The following TRIM2 variants were observed in gnomAD, a reference collection of about 807,000 sequenced individuals.
The protein encoded by TRIM2 is tripartite motif-containing protein 2.
TRIM2 carries 20 observed loss-of-function variants against 75.2 expected under a neutral mutation model. That is an observed-to-expected ratio of 0.27 (90% CI 0.19 to 0.39). The LOEUF is 0.39. TRIM2 is among the 10% of genes least tolerant of loss of function. The pLI is 1.00. For synonymous variants in TRIM2, 373 were observed against 388.3 expected (o/e 0.96, Z 0.46); for missense variants, 660 against 990.8 (o/e 0.67, Z 4.48).
chr4:153,290,351 A>G (rs1477389815), intron 3 of TRIM2, among the ~76,000 whole-genome samples: 1 of 152,218 alleles, frequency 6.6e-6, no homozygotes, highest in Non-Finnish European at 1.5e-5. Context: ...AGATCGTTCT[A>G]TTTCCTGAAC....
intron 10 of TRIM2, 98 bp from the exon 11 acceptor site, chr4:153,328,432 G>A: frequency 8.9e-7 from 1 of 1,119,724 alleles, no homozygotes; most frequent in South Asian, 1.8e-5. Context: ...GATAAGTCTT[G>A]TTATAAATAA....
intron 1 of TRIM2, among the ~76,000 whole-genome samples, chr4:153,269,929 T>C (rs1256841140): frequency 2.0e-5 from 3 of 152,070 alleles, no homozygotes. Flanking sequence ...ATTTTTTATT[T>C]TATTTTTTAT....
In TRIM2 at chr4:153,275,934, C is replaced by G; in HGVS notation, c.257C>G (p.Ser86Cys). The G allele has an allele frequency of 6.2e-7, 1 of 1,614,212 alleles. No individual in the cohort carries two copies. The highest frequency in any genetic ancestry group is 8.5e-7 in the Non-Finnish European group (1 of 1,180,042). Residue 86 changes from serine to cysteine, a missense_variant, in exon 3 of 12, where the codon TCC becomes TGC. This residue lies in a region of TRIM2 where 620 missense variants were observed against 891.0 expected (regional missense o/e 0.70). Coordinates refer to ENST00000338700, the MANE Select transcript of TRIM2 (RefSeq NM_015271.5). Reference protein sequence around the residue: ...NYIPAHSLTLSCPVCRQTSIL... With the variant: ...NYIPAHSLTLCCPVCRQTSIL... Reference sequence around the variant, plus strand: ...ATTCCTGCCCACAGTTTAACCCTCTCCTGCCCAGTGTGCCGCCAGACCTCC... The same window carrying G: ...ATTCCTGCCCACAGTTTAACCCTCTGCTGCCCAGTGTGCCGCCAGACCTCC...
In TRIM2 at chr4:153,324,112, G is replaced by A. The variant is rs756450653; in HGVS notation, c.1986G>A (p.Glu662=). Residue 662 remains glutamate (E), a synonymous_variant, in exon 10 of 12, where the codon GAG becomes GAA. Transcript: ENST00000338700. ...TTGCAGCTGTAAATAGCAATAATGA[G>A]ATTATTATTACAGATTTCCATAATC... The part of the protein sequence containing the change: ...PHFAAVNSNN[E]IIITDFHNHS... 2 of 1,612,242 alleles carry A rather than the reference G, an allele frequency of 1.2e-6. No individual in the cohort carries two copies. The highest frequency in any genetic ancestry group is 4.5e-5 in the East Asian group (2 of 44,768).
intron 6 of TRIM2, chr4:153,308,660 C>T: frequency 1.7e-6 from 1 of 585,160 alleles, no homozygotes; most frequent in Non-Finnish European, 3.4e-6. Flanking sequence ...TCCTGCTCAG[C>T]ATCAAATTTG....
chr4:153,158,570 A>G (rs961351034), intron 1 of TRIM2, among the ~76,000 whole-genome samples: 5 of 152,250 alleles, frequency 3.3e-5, no homozygotes, highest in Non-Finnish European at 5.9e-5. Flanking sequence ...ATTTTAAAAC[A>G]TTAGCTCTTG....
At chr4:153,154,152 C>G (rs989989536) in intron 1 of TRIM2, among the ~76,000 whole-genome samples, 1 of 152,184 alleles carries the variant, frequency 6.6e-6, no homozygotes, top group South Asian at 2.1e-4. Flanking sequence ...TTCCGAGGAG[C>G]GTTTCACAGA....
intron 1 of TRIM2, among the ~76,000 whole-genome samples, chr4:153,221,807 G>C (rs1429294515): frequency 1.2e-5 from 1 of 83,388 alleles, no homozygotes; most frequent in Non-Finnish European, 2.2e-5. Context: ...AGCGAGGAAG[G>C]AAGGGAGGGA....
At chr4:153,196,789 GC>G (rs1733824603) in intron 1 of TRIM2, among the ~76,000 whole-genome samples, 1 of 152,214 alleles carries the variant, frequency 6.6e-6, no homozygotes, top group South Asian at 2.1e-4. Context: ...TAGGTTTTCA[GC>G]AAATCCCCTT....
chr4:153,267,922 C>T (rs1164802018), intron 1 of TRIM2, among the ~76,000 whole-genome samples: 1 of 152,122 alleles, frequency 6.6e-6, no homozygotes, highest in African/African-American at 2.4e-5. Flanking sequence ...GTGCAGGAGA[C>T]CAGAGTTTTA....
At chr4:153,278,271 G>A (rs190415184) in intron 3 of TRIM2, among the ~76,000 whole-genome samples, 29 of 152,050 alleles carry the variant, frequency 1.9e-4, no homozygotes, top group East Asian at 1.9e-4. Flanking sequence ...ATGCCACCAC[G>A]CCCAGCTAAT....
At chr4:153,324,209 C>T (rs368256011) in intron 10 of TRIM2, 61 bp downstream of exon 10, 248 of 1,463,088 alleles carry the variant, frequency 1.7e-4, no homozygotes, top group Admixed American at 1.1e-3. Flanking sequence ...AATTGGTCTG[C>T]GAGAAAATAA....
chr4:153,219,361 C>T (rs1487626894), intron 1 of TRIM2, among the ~76,000 whole-genome samples: 1 of 152,142 alleles, frequency 6.6e-6, no homozygotes, highest in African/African-American at 2.4e-5. Flanking sequence ...TACTTAGTGC[C>T]TTTATGGGTC....
chr4:153,297,266 G>A (rs749766691), intron 6 of TRIM2, among the ~76,000 whole-genome samples: 3 of 152,166 alleles, frequency 2.0e-5, no homozygotes, highest in Admixed American at 6.5e-5. Context: ...CCAGATGTGC[G>A]ATATGGGTGC....
At chr4:153,327,835 G>A (rs867541987) in intron 10 of TRIM2, among the ~76,000 whole-genome samples, 14 of 152,128 alleles carry the variant, frequency 9.2e-5, no homozygotes, top group Middle Eastern at 6.3e-3. Context: ...TCTACTGAGA[G>A]ATAAAAGAGT....
intron 1 of TRIM2, among the ~76,000 whole-genome samples, chr4:153,266,070 G>C (rs866967890): frequency 6.6e-5 from 10 of 152,328 alleles, no homozygotes; most frequent in Middle Eastern, 6.8e-3. Context: ...TGGCTGATCA[G>C]ACGTCATACC....
At chr4:153,317,242 T>A (rs996541395) in intron 8 of TRIM2, among the ~76,000 whole-genome samples, 9 of 151,906 alleles carry the variant, frequency 5.9e-5, no homozygotes, top group African/African-American at 2.2e-4. Context: ...GTTGATAACA[T>A]GAGTTTTAAC....
chr4:153,333,082 T>C (rs1771847134), intron 11 of TRIM2, among the ~76,000 whole-genome samples: 1 of 152,194 alleles, frequency 6.6e-6, no homozygotes, highest in Non-Finnish European at 1.5e-5. Context: ...TGTCTTTCAA[T>C]AGGTTCATGA....
intron 10 of TRIM2, among the ~76,000 whole-genome samples, chr4:153,325,601 T>C (rs1354531395): frequency 6.6e-6 from 1 of 152,204 alleles, no homozygotes; most frequent in East Asian, 1.9e-4. Flanking sequence ...CAGGTTGTTC[T>C]CATACTTCCT....
Sources: allele counts gnomAD v4.1 joint callset (sites outside exome capture counted in the v4.1 genomes callset), GRCh38; gene constraint gnomAD v4.1.1; regional missense constraint gnomAD v4.1.1; transcripts MANE v1.5; gene names NCBI Gene and HGNC (gene_info 2026-07-23, HGNC 2026-07-21).